The following KCNIP4 variants were observed in gnomAD, a reference collection of about 807,000 sequenced individuals.
KCNIP4 encodes the protein Kv channel-interacting protein 4.
KCNIP4 carries 12 observed loss-of-function variants against 34.0 expected under a neutral mutation model. The observed-to-expected ratio is 0.35, with a 90% CI of 0.23 to 0.57. The LOEUF (loss-of-function observed/expected upper bound fraction) is 0.57, where lower values mean the gene tolerates loss of function less well. KCNIP4 is among the 20% of genes least tolerant of loss of function. The pLI is 0.83. For synonymous variants in KCNIP4, 124 were observed against 102.2 expected, an observed-to-expected ratio of 1.21 and a Z score of -1.29; for missense variants, 238 against 311.7, an observed-to-expected ratio of 0.76 and a Z score of 1.78.
At chr4:21,051,740 C>A (rs1413149249) in intron 1 of KCNIP4, among the ~76,000 whole-genome samples, 1 of 152,058 alleles carries the variant, frequency 6.6e-6, no homozygotes. Flanking sequence ...GAGTGTGCAG[C>A]ATATTGCAAA....
intron 1 of KCNIP4, among the ~76,000 whole-genome samples, chr4:21,877,855 T>G (rs1560781764): frequency 2.0e-5 from 3 of 152,192 alleles, no homozygotes; most frequent in Admixed American, 1.3e-4. Flanking sequence ...AGAAGGCCTT[T>G]TCTCTCCATG....
intron 1 of KCNIP4, among the ~76,000 whole-genome samples, chr4:21,675,842 T>C (rs1749850327): frequency 6.6e-6 from 1 of 152,178 alleles, no homozygotes; most frequent in South Asian, 2.1e-4. Flanking sequence ...CAACTACTTT[T>C]CAATGCCAAG....
chr4:21,843,093 T>C (rs900695996), intron 1 of KCNIP4, among the ~76,000 whole-genome samples: 2 of 152,108 alleles, frequency 1.3e-5, no homozygotes, highest in African/African-American at 2.4e-5. Context: ...TAAAGAAGGG[T>C]AAAAGCCCCA....
chr4:20,846,383 C>A (rs1263558930), intron 3 of KCNIP4, among the ~76,000 whole-genome samples: 1 of 152,190 alleles, frequency 6.6e-6, no homozygotes, highest in African/African-American at 2.4e-5. Flanking sequence ...CCCACTATAT[C>A]ATTTACAACC....
intron 1 of KCNIP4, among the ~76,000 whole-genome samples, chr4:21,676,605 G>A (rs1055316638): frequency 2.6e-5 from 4 of 152,178 alleles, no homozygotes; most frequent in Non-Finnish European, 5.9e-5. Flanking sequence ...TCTGTCATAT[G>A]TGAATAAATC....
chr4:21,802,192 A>T (rs1721043554), intron 1 of KCNIP4, among the ~76,000 whole-genome samples: 1 of 125,974 alleles, frequency 7.9e-6, no homozygotes, highest in South Asian at 2.4e-4. Context: ...TTAAAATCTG[A>T]CTTTCTCCAA....
intron 1 of KCNIP4, among the ~76,000 whole-genome samples, chr4:21,138,633 G>T (rs1751700605): frequency 6.6e-6 from 1 of 151,996 alleles, no homozygotes; most frequent in South Asian, 2.1e-4. Flanking sequence ...CTATGAAGAT[G>T]TTAACTTACA....
In KCNIP4 at chr4:21,092,962, G is replaced by T. The variant is rs542262784; in HGVS notation, c.62-210253C>A. ...ACAAGGTAAAATCTATCATTCAAAG[G>T]CATACAAGTACTTTGCAACTACGAA... On this transcript the variant is annotated intron_variant, in intron 1 of 8. Coordinates refer to ENST00000382152, the MANE Select transcript of KCNIP4 (RefSeq NM_025221.6). Among the ~76,000 whole-genome samples the T allele has an allele frequency of 2.2e-4, 33 of 152,294 alleles. 1 individual carries two copies. Among genetic ancestry groups the T allele is most frequent in the African/African-American group, 7.5e-4 (31 of 41,554 alleles).
At chr4:21,346,286 C>CTATATATATAATATATATTATATAT (rs1717413153) in intron 1 of KCNIP4, among the ~76,000 whole-genome samples, 1 of 6,102 alleles carries the variant, frequency 1.6e-4, no homozygotes, top group Non-Finnish European at 3.7e-4. Context: ...AATATATATT[C>CTATATATATAATATATATTATATAT]ACATTTGTAT....
intron 1 of KCNIP4, among the ~76,000 whole-genome samples, chr4:21,340,507 G>C (rs1313553706): frequency 1.3e-5 from 2 of 152,000 alleles, no homozygotes; most frequent in Non-Finnish European, 2.9e-5. Context: ...AACTTGGCAG[G>C]ATCTCATAAA....
At chr4:21,465,249 T>C (rs7694276) in intron 1 of KCNIP4, among the ~76,000 whole-genome samples, 41,194 of 152,028 alleles carry the variant, frequency 0.27, 6,095 homozygotes, top group African/African-American at 0.38. Context: ...GATTCTACTA[T>C]GACATAAAAT....
intron 1 of KCNIP4, among the ~76,000 whole-genome samples, chr4:21,747,905 G>C (rs556981054): frequency 6.6e-6 from 1 of 152,184 alleles, no homozygotes; most frequent in South Asian, 2.1e-4. Flanking sequence ...ACGCAAAAAA[G>C]GACACACAGA....
At chr4:21,138,073 T>A (rs1439033010) in intron 1 of KCNIP4, among the ~76,000 whole-genome samples, 2 of 152,092 alleles carry the variant, frequency 1.3e-5, no homozygotes, top group African/African-American at 4.8e-5. Flanking sequence ...GGTTTCACCA[T>A]GTTGGCCAGG....
At position 21,056,438 on chromosome 4, in the gene KCNIP4, T is replaced by C. The variant is rs956890892; in HGVS notation, c.62-173729A>G. 1.1e-3 allele frequency among the ~76,000 whole-genome samples: 161 copies of C among 152,214 alleles called. 1 individual carries two copies. Among genetic ancestry groups the C allele is most frequent in the African/African-American group, 3.7e-3 (153 of 41,466 alleles). ...CATGAAACATATAATCTCTATCATC[T>C]GCATGGCAAATTGTCACGTATTTGT... On this transcript the variant is annotated intron_variant, in intron 1 of 8. Transcript: ENST00000382152.
intron 1 of KCNIP4, among the ~76,000 whole-genome samples, chr4:21,892,840 T>C (rs941487236): frequency 6.6e-6 from 1 of 152,150 alleles, no homozygotes; most frequent in African/African-American, 2.4e-5. Context: ...ATAGATATGT[T>C]ATTCCCACTA....
intron 1 of KCNIP4, among the ~76,000 whole-genome samples, chr4:21,447,563 G>C (rs1308610462): frequency 6.6e-6 from 1 of 152,156 alleles, no homozygotes. Flanking sequence ...ACCACAGATA[G>C]TAGCAAATCC....
intron 1 of KCNIP4, among the ~76,000 whole-genome samples, chr4:20,969,572 G>C (rs1377825408): frequency 2.0e-5 from 3 of 152,060 alleles, no homozygotes; most frequent in Non-Finnish European, 4.4e-5. Flanking sequence ...GTGTGTGTGT[G>C]TGTGTGAAAA....
At chr4:21,790,963 A>C (rs1720238273) in intron 1 of KCNIP4, among the ~76,000 whole-genome samples, 1 of 93,236 alleles carries the variant, frequency 1.1e-5, no homozygotes, top group African/African-American at 3.8e-5. Flanking sequence ...TTGCCTGCGC[A>C]CTCCACAAAA....
At chr4:21,312,381 C>A (rs536794626) in intron 1 of KCNIP4, among the ~76,000 whole-genome samples, 1 of 152,256 alleles carries the variant, frequency 6.6e-6, no homozygotes, top group African/African-American at 2.4e-5. Context: ...TAGGTAGAGA[C>A]CCTGGATCTC....
Sources: gnomAD v4.1 joint callset for allele counts (sites outside exome capture counted in the v4.1 genomes callset) on GRCh38, gnomAD v4.1.1 for gene constraint, MANE v1.5 for transcripts, NCBI Gene and HGNC (gene_info 2026-07-23, HGNC 2026-07-21) for gene names.